Variants in DOK6 observed in about 807,000 individuals in gnomAD.
DOK6 encodes the protein docking protein 6, also known as downstream of tyrosine kinase 6.
Under a neutral mutation model 44.0 loss-of-function variants are expected in DOK6, and 22 were observed. The observed-to-expected ratio is 0.50, with a 90% CI of 0.36 to 0.71. The LOEUF is 0.71. Ranked by LOEUF, DOK6 falls within the 30% of genes least tolerant of loss-of-function variation. DOK6 has a pLI of 0.00. For synonymous variants in DOK6, 166 were observed against 145.5 expected, an observed-to-expected ratio of 1.14 and a Z score of -1.01; for missense variants, 340 against 416.4, an observed-to-expected ratio of 0.82 and a Z score of 1.60.
intron 2 of DOK6, among the ~76,000 whole-genome samples, chr18:69,575,572 T>C (rs1308007433): frequency 4.6e-5 from 7 of 152,014 alleles, no homozygotes; most frequent in Non-Finnish European, 5.9e-5. Flanking sequence ...TAAAAAAAAG[T>C]TGAGCCCTGA....
At chr18:69,723,876 AGT>A (rs1157787470) in intron 5 of DOK6, among the ~76,000 whole-genome samples, 1 of 152,184 alleles carries the variant, frequency 6.6e-6, no homozygotes, top group Non-Finnish European at 1.5e-5. Flanking sequence ...GATTCCACTC[AGT>A]GTGTTTCCCC....
intron 1 of DOK6, among the ~76,000 whole-genome samples, chr18:69,553,244 A>G (rs1033867011): frequency 1.3e-5 from 2 of 152,254 alleles, no homozygotes; most frequent in African/African-American, 4.8e-5. Context: ...AACAAAGTCA[A>G]ATTGTAATGA....
intron 7 of DOK6, among the ~76,000 whole-genome samples, chr18:69,785,341 G>A (rs1980398411): frequency 6.6e-6 from 1 of 152,094 alleles, no homozygotes; most frequent in Non-Finnish European, 1.5e-5. Context: ...TTTATATACT[G>A]GGTCTTGAAA....
intron 1 of DOK6, among the ~76,000 whole-genome samples, chr18:69,457,182 C>T (rs1423792574): frequency 1.3e-5 from 2 of 151,956 alleles, no homozygotes; most frequent in Non-Finnish European, 2.9e-5. Context: ...TTTTGGTTTT[C>T]TTGCAATTGC....
intron 6 of DOK6, among the ~76,000 whole-genome samples, chr18:69,744,636 C>T (rs1978918982): frequency 6.6e-6 from 1 of 151,958 alleles, no homozygotes; most frequent in East Asian, 1.9e-4. Context: ...ACAACAAAAC[C>T]TCACTTGGCT....
chr18:69,587,316 G>A (rs1490474768), intron 2 of DOK6, among the ~76,000 whole-genome samples: 2 of 152,176 alleles, frequency 1.3e-5, no homozygotes, highest in East Asian at 1.9e-4. Context: ...GTGGTTCCAG[G>A]TCTTCCTTGG....
chr18:69,405,241 C>G (rs1178555202), intron 1 of DOK6, among the ~76,000 whole-genome samples: 1 of 152,168 alleles, frequency 6.6e-6, no homozygotes. Flanking sequence ...GTTTTCCTTT[C>G]CTCTCTCAAC....
intron 3 of DOK6, among the ~76,000 whole-genome samples, chr18:69,639,577 A>G (rs1033927677): frequency 1.1e-4 from 17 of 152,042 alleles, no homozygotes; most frequent in African/African-American, 4.1e-4. Context: ...AATACTTTTC[A>G]TACACTGCCC....
intron 1 of DOK6, among the ~76,000 whole-genome samples, chr18:69,435,041 A>ACGGAAGGAC (rs1568256532): frequency 2.3e-5 from 1 of 43,412 alleles, no homozygotes; most frequent in Non-Finnish European, 5.5e-5. Context: ...GAAGGAAGGA[A>ACGGAAGGAC]GGAAGGAAGG....
chr18:69,744,685 G>C (rs1376857857), intron 6 of DOK6, among the ~76,000 whole-genome samples: 1 of 152,044 alleles, frequency 6.6e-6, no homozygotes, highest in Non-Finnish European at 1.5e-5. Context: ...TGCACTTTGG[G>C]AGGCCGAGGC....
At chr18:69,507,359 C>G (rs895006336) in intron 1 of DOK6, among the ~76,000 whole-genome samples, 12 of 151,968 alleles carry the variant, frequency 7.9e-5, no homozygotes, top group African/African-American at 2.9e-4. Flanking sequence ...GTCTTAATAT[C>G]TAGTAGTCCA....
In DOK6 at chr18:69,466,737, A is replaced by T. The variant is rs75076994; in HGVS notation, c.66+65427A>T. Among the ~76,000 whole-genome samples the T allele has an allele frequency of 2.0e-4, 30 of 152,120 alleles. 2 individuals are homozygous for T. The East Asian group carries it at 5.8e-3, about 29-fold the overall frequency. ...TAACAATGTGTGTGATATAGTCTGA[A>T]AAATCCCAAAGACTCAAGGGAAAAA... On this transcript the variant is annotated intron_variant, in intron 1 of 7. Transcript: ENST00000382713.
intron 7 of DOK6, among the ~76,000 whole-genome samples, chr18:69,821,539 T>C (rs1409407109): frequency 1.3e-5 from 2 of 152,198 alleles, no homozygotes; most frequent in Non-Finnish European, 2.9e-5. Flanking sequence ...CCTATTGTGG[T>C]ATAGCAGTAG....
intron 2 of DOK6, among the ~76,000 whole-genome samples, chr18:69,588,921 T>A (rs1983565210): frequency 2.6e-5 from 4 of 152,086 alleles, no homozygotes. Flanking sequence ...ATTGGGATAG[T>A]CAAGTGGTGA....
chr18:69,602,173 G>A (rs1164084672), intron 3 of DOK6, among the ~76,000 whole-genome samples: 1 of 152,142 alleles, frequency 6.6e-6, no homozygotes, highest in Non-Finnish European at 1.5e-5. Flanking sequence ...GAAAGGGATG[G>A]GAGAAAACAG....
chr18:69,594,641 G>T (rs1983699736), intron 2 of DOK6, among the ~76,000 whole-genome samples: 1 of 150,678 alleles, frequency 6.6e-6, no homozygotes, highest in African/African-American at 2.4e-5. Flanking sequence ...TGGAAAAGAA[G>T]TCAAATTGTC....
chr18:69,509,690 C>A (rs1981311725), intron 1 of DOK6, among the ~76,000 whole-genome samples: 1 of 144,238 alleles, frequency 6.9e-6, no homozygotes, highest in Non-Finnish European at 1.5e-5. Flanking sequence ...TTTGTACTTT[C>A]TGTGTCAGAC....
chr18:69,780,910 G>C (rs1052187539), intron 7 of DOK6, among the ~76,000 whole-genome samples: 3 of 152,142 alleles, frequency 2.0e-5, no homozygotes, highest in Admixed American at 6.5e-5. Flanking sequence ...GGATATTTAT[G>C]GGCTGTCTAT....
At chr18:69,520,669 TA>T (rs1555709559) in intron 1 of DOK6, among the ~76,000 whole-genome samples, 1 of 151,938 alleles carries the variant, frequency 6.6e-6, no homozygotes, top group Non-Finnish European at 1.5e-5. Context: ...AAAACATAAA[TA>T]AAAGTTTGTG....
Sources: gnomAD v4.1 joint callset for allele counts (sites outside exome capture counted in the v4.1 genomes callset) on GRCh38, gnomAD v4.1.1 for gene constraint, MANE v1.5 for transcripts, NCBI Gene and HGNC (gene_info 2026-07-23, HGNC 2026-07-21) for gene names.